Variants in SEMA3A observed in about 807,000 individuals in gnomAD.
SEMA3A encodes the protein semaphorin-3A.
SEMA3A carries 29 observed loss-of-function variants against 97.9 expected under a neutral mutation model. The ratio of observed to expected loss-of-function variants is 0.30; its 90% CI spans 0.22 to 0.40. The LOEUF is 0.40. SEMA3A is among the 10% of genes least tolerant of loss of function. The pLI is 1.00. For synonymous variants in SEMA3A, 321 were observed against 323.7 expected, an observed-to-expected ratio of 0.99 and a Z score of 0.09; for missense variants, 763 against 951.3, an observed-to-expected ratio of 0.80 and a Z score of 2.60.
At chr7:84,404,399 A>C (rs1334198417) in intron 1 of SEMA3A, among the ~76,000 whole-genome samples, 2 of 152,238 alleles carry the variant, frequency 1.3e-5, no homozygotes, top group African/African-American at 4.8e-5. Flanking sequence ...CTATGTGAAA[A>C]GACCAAATCT....
intron 3 of SEMA3A, among the ~76,000 whole-genome samples, chr7:84,283,118 T>TTGTG (rs150526169): frequency 4.6e-5 from 7 of 151,844 alleles, no homozygotes; most frequent in Admixed American, 1.3e-4. Flanking sequence ...TCTTTAAGAA[T>TTGTG]TGTGTGTGTG....
chr7:84,328,617 G>A (rs1038874174), intron 2 of SEMA3A, among the ~76,000 whole-genome samples: 1 of 151,906 alleles, frequency 6.6e-6, no homozygotes, highest in African/African-American at 2.4e-5. Context: ...GATCTATTTC[G>A]ACAACCTATG....
intron 1 of SEMA3A, among the ~76,000 whole-genome samples, chr7:84,486,342 C>T (rs561708899): frequency 2.0e-5 from 3 of 152,154 alleles, no homozygotes; most frequent in Admixed American, 6.5e-5. Context: ...GAGCCAAGAT[C>T]GTGCCATTGC....
At chr7:84,327,096 T>A (rs1292343255) in intron 2 of SEMA3A, among the ~76,000 whole-genome samples, 1 of 151,966 alleles carries the variant, frequency 6.6e-6, no homozygotes, top group African/African-American at 2.4e-5. Flanking sequence ...ATAAGGAACT[T>A]AAATTTATAG....
chr7:84,285,618 T>C (rs1800561561), intron 3 of SEMA3A, among the ~76,000 whole-genome samples: 1 of 152,138 alleles, frequency 6.6e-6, no homozygotes, highest in African/African-American at 2.4e-5. Flanking sequence ...GCTTTGTTTG[T>C]TTTACCTTTG....
chr7:84,227,281 A>G lies in SEMA3A; in HGVS notation c.-82-32613T>C, dbSNP rs778361015. 1.1e-3 allele frequency among the ~76,000 whole-genome samples: 160 copies of G among 152,132 alleles called. 1 individual carries two copies. Among genetic ancestry groups the G allele is most frequent in the Non-Finnish European group, 2.0e-3 (137 of 67,980 alleles). On this transcript the variant is annotated intron_variant, in intron 3 of 3. Coordinates refer to the SEMA3A transcript ENST00000424555. ...ACTAATGTAGGAAGTCTTTCTTGAG[A>G]CAGATTAAAGAGTTTATCAAGATAT...
chr7:84,026,694 G>A lies in SEMA3A; in HGVS notation c.668-12343C>T, dbSNP rs111583854. Reference sequence around the variant, plus strand: ...ATAAAAAGGAATGAGATCATGTCCTGTAGGAACATGGATGGGGCCGGAGGC... The same window carrying A: ...ATAAAAAGGAATGAGATCATGTCCTATAGGAACATGGATGGGGCCGGAGGC... On this transcript the variant is annotated intron_variant, in intron 6 of 16. Transcript: ENST00000265362. 4.6e-5 allele frequency among the ~76,000 whole-genome samples: 7 copies of A among 152,264 alleles called. 1 individual carries two copies. The highest frequency in any genetic ancestry group is 1.7e-4 in the African/African-American group (7 of 41,564).
At chr7:84,178,301 T>C (rs1214284848) in intron 1 of SEMA3A, among the ~76,000 whole-genome samples, 1 of 152,122 alleles carries the variant, frequency 6.6e-6, no homozygotes, top group African/African-American at 2.4e-5. Context: ...TGGTACTTCA[T>C]ATTGTGAGTC....
chr7:83,998,186 G>A (rs111993157), intron 12 of SEMA3A, among the ~76,000 whole-genome samples: 250 of 152,106 alleles, frequency 1.6e-3, no homozygotes, highest in African/African-American at 5.7e-3. Context: ...GATACATTCT[G>A]AGAAATGCAT....
intron 3 of SEMA3A, among the ~76,000 whole-genome samples, chr7:84,284,222 CT>C: frequency 6.6e-6 from 1 of 152,268 alleles, no homozygotes; most frequent in African/African-American, 2.4e-5. Context: ...GTATCTGTCT[CT>C]GAGCAGGTCT....
chr7:84,076,046 G>A (rs180921730), intron 4 of SEMA3A, among the ~76,000 whole-genome samples: 53 of 152,072 alleles, frequency 3.5e-4, no homozygotes, highest in Non-Finnish European at 6.8e-4. Context: ...ACCGATTCCA[G>A]GATTAAATGA....
chr7:84,426,677 T>G (rs1334633595), intron 1 of SEMA3A, among the ~76,000 whole-genome samples: 1 of 152,126 alleles, frequency 6.6e-6, no homozygotes, highest in African/African-American at 2.4e-5. Flanking sequence ...GTTTAATCTT[T>G]TTTCCTTTTT....
At chr7:84,136,509 T>C (rs1204437688) in intron 1 of SEMA3A, among the ~76,000 whole-genome samples, 1 of 152,152 alleles carries the variant, frequency 6.6e-6, no homozygotes, top group Non-Finnish European at 1.5e-5. Flanking sequence ...TGGCCTTTGT[T>C]GCTATTTTTC....
chr7:84,414,318 A>T (rs1263628428), intron 1 of SEMA3A, among the ~76,000 whole-genome samples: 2 of 151,874 alleles, frequency 1.3e-5, no homozygotes, highest in African/African-American at 2.4e-5. Flanking sequence ...AGAGTGAAAA[A>T]TTTGGTTGTG....
chr7:84,153,163 C>A (rs1167677891), intron 1 of SEMA3A, among the ~76,000 whole-genome samples: 4 of 152,144 alleles, frequency 2.6e-5, no homozygotes, highest in Non-Finnish European at 5.9e-5. Context: ...TGCTTTGCCA[C>A]TTCATTAGCT....
chr7:84,475,637 C>T (rs1193788596), intron 1 of SEMA3A, among the ~76,000 whole-genome samples: 1 of 152,086 alleles, frequency 6.6e-6, no homozygotes, highest in African/African-American at 2.4e-5. Flanking sequence ...GGAGGTGCCC[C>T]TATTTGCTTC....
intron 1 of SEMA3A, among the ~76,000 whole-genome samples, chr7:84,427,161 G>A (rs946559200): frequency 1.3e-5 from 2 of 152,040 alleles, no homozygotes; most frequent in African/African-American, 4.8e-5. Context: ...CAGTTAAACA[G>A]AACCTGGAGA....
At chr7:84,371,443 A>C (rs1395995043) in intron 2 of SEMA3A, among the ~76,000 whole-genome samples, 1 of 151,916 alleles carries the variant, frequency 6.6e-6, no homozygotes. Flanking sequence ...TCTAACACAA[A>C]ATTTTGAATT....
intron 1 of SEMA3A, among the ~76,000 whole-genome samples, chr7:84,398,442 A>G (rs1803799099): frequency 6.6e-6 from 1 of 151,988 alleles, no homozygotes; most frequent in South Asian, 2.1e-4. Flanking sequence ...CACTTCAAAC[A>G]CATCACCCTC....
Sources: gnomAD v4.1 joint callset for allele counts (sites outside exome capture counted in the v4.1 genomes callset) on GRCh38, gnomAD v4.1.1 for gene constraint, MANE v1.5 for transcripts, NCBI Gene and HGNC (gene_info 2026-07-23, HGNC 2026-07-21) for gene names.